The following PAMR1 variants were observed in gnomAD, a reference collection of about 807,000 sequenced individuals.
PAMR1 encodes the protein inactive serine protease PAMR1.
PAMR1 carries 88 observed loss-of-function variants against 81.8 expected under a neutral mutation model. The ratio of observed to expected loss-of-function variants is 1.08; its 90% CI spans 0.91 to 1.28. The LOEUF (loss-of-function observed/expected upper bound fraction) is 1.28. Ranked by LOEUF, PAMR1 falls within the 50% of genes most tolerant of loss-of-function variation. The probability of loss-of-function intolerance (pLI) is 0.00; values close to 1 mark genes in which losing one functional copy is unlikely to be tolerated. For missense variants in PAMR1, 935 were observed against 919.7 expected (o/e 1.02, Z -0.21); for synonymous variants, 336 against 345.3 (o/e 0.97, Z 0.30).
At chr11:35,524,247 C>T (rs1299730087) in intron 1 of PAMR1, among the ~76,000 whole-genome samples, 3 of 152,130 alleles carry the variant, frequency 2.0e-5, no homozygotes, top group Non-Finnish European at 4.4e-5. Flanking sequence ...GCTCCAGACA[C>T]CATGGAGGCA....
At chr11:35,452,005 C>T (rs1856429819) in intron 6 of PAMR1, 3 of 546,390 alleles carry the variant, frequency 5.5e-6, no homozygotes, top group East Asian at 3.2e-5. Flanking sequence ...GCAGCCCAAA[C>T]TGACTAAGAC....
intron 3 of PAMR1, among the ~76,000 whole-genome samples, chr11:35,478,588 T>C (rs184967541): frequency 2.4e-3 from 363 of 152,242 alleles, no homozygotes; most frequent in Non-Finnish European, 4.3e-3. Context: ...ATGCCTTCAA[T>C]TCCCTCTCCA....
chr11:35,458,615 C>G (rs1381654444), intron 6 of PAMR1, among the ~76,000 whole-genome samples: 3 of 152,152 alleles, frequency 2.0e-5, no homozygotes, highest in Non-Finnish European at 4.4e-5. Context: ...AAATTGATGA[C>G]TGTCATCTAA....
At chr11:35,451,920 G>T in intron 6 of PAMR1, 1 of 699,984 alleles carries the variant, frequency 1.4e-6, no homozygotes, top group African/African-American at 1.8e-5. Flanking sequence ...CTTGATCTTG[G>T]ACTTCCCAGC....
chr11:35,436,159 G>C (rs1372695252), intron 8 of PAMR1, 24 bp from the exon 9 acceptor site: 6 of 1,501,026 alleles, frequency 4.0e-6, no homozygotes, highest in Non-Finnish European at 5.6e-6. Context: ...CATGGGCCCA[G>C]AGAAAGAGCA....
chr11:35,433,774 G>A (rs1260384792), intron 10 of PAMR1, among the ~76,000 whole-genome samples: 4 of 134,626 alleles, frequency 3.0e-5, no homozygotes, highest in East Asian at 2.2e-4. Context: ...ATGGATAGAC[G>A]GATGGATGGA....
At chr11:35,503,891 C>G (rs899138785) in intron 1 of PAMR1, among the ~76,000 whole-genome samples, 1 of 152,090 alleles carries the variant, frequency 6.6e-6, no homozygotes, top group South Asian at 2.1e-4. Context: ...CTGGCCAAGA[C>G]TCCCAGTATT....
Position 35,434,782 on chromosome 11 carries a change from G to A in PAMR1, c.1356C>T (p.Ile452=), listed in dbSNP as rs1856000594. The change falls in exon 10 of 11, where the codon ATC becomes ATT. Residue 452 remains isoleucine, a synonymous_variant. Transcript: ENST00000619888. Reference sequence around the variant, plus strand: ...GCAACCCTTGGGTCTTTGGAGCAGTGATGTTCTCAATTTTCCCGCAGACTA... The same window carrying A: ...GCAACCCTTGGGTCTTTGGAGCAGTAATGTTCTCAATTTTCCCGCAGACTA... The part of the protein sequence containing the change: ...CIPICGKIEN[I]TAPKTQGLRW... 4 of 1,613,200 alleles carry A rather than the reference G, an allele frequency of 2.5e-6. No homozygotes were observed. The highest frequency in any genetic ancestry group is 2.7e-5 in the African/African-American group (2 of 74,892).
At chr11:35,442,574 C>T (rs775063633) in intron 6 of PAMR1, among the ~76,000 whole-genome samples, 1 of 151,872 alleles carries the variant, frequency 6.6e-6, no homozygotes, top group Non-Finnish European at 1.5e-5. Flanking sequence ...TATCAGCCTC[C>T]CTACTTTCTT....
chr11:35,475,914 A>G (rs1850276403), intron 3 of PAMR1, among the ~76,000 whole-genome samples: 1 of 152,188 alleles, frequency 6.6e-6, no homozygotes, highest in Non-Finnish European at 1.5e-5. Flanking sequence ...AGAAATCCAG[A>G]TTGCCTTCTT....
intron 5 of PAMR1, among the ~76,000 whole-genome samples, chr11:35,469,262 G>A (rs1856808105): frequency 1.3e-5 from 2 of 152,138 alleles, no homozygotes; most frequent in South Asian, 4.1e-4. Flanking sequence ...AATGGGAAGT[G>A]GTATTATTTG....
Position 35,470,754 on chromosome 11 carries a change from C to T in PAMR1, c.559G>A (p.Gly187Arg). 6.2e-7 allele frequency: 1 copy of T among 1,614,134 alleles called. No homozygotes were observed. The highest frequency in any genetic ancestry group is 1.1e-5 in the South Asian group (1 of 91,068). ...ATGATCTGGCCATCGCGGTTGTCTCCATCACGAACCTCAACATAGTCATAC... is the reference window on the plus strand; with the variant it reads ...ATGATCTGGCCATCGCGGTTGTCTCTATCACGAACCTCAACATAGTCATAC... ...CQYDYVEVRD[G>R]DNRDGQIIKR... Residue 187 changes from glycine to arginine, a missense_variant, in exon 5 of 11, where the codon GGA becomes AGA. Transcript: ENST00000619888.
Position 35,467,845 on chromosome 11 carries a change from C to A in PAMR1, c.820+156G>T, listed in dbSNP as rs146105884. On this transcript the variant is annotated intron_variant, in intron 6 of 10. Transcript: ENST00000619888. ...AGAACCTGACTCAGAAGCAGCTATGCCCCTCTGAGAATCACTCACTGGGAG... is the reference window on the plus strand; with the variant it reads ...AGAACCTGACTCAGAAGCAGCTATGACCCTCTGAGAATCACTCACTGGGAG... Among the ~76,000 whole-genome samples the A allele has an allele frequency of 4.6e-5, 7 of 152,282 alleles. No individual in the cohort carries two copies. In the East Asian group the frequency reaches 1.2e-3, roughly 25 times the overall value.
intron 1 of PAMR1, among the ~76,000 whole-genome samples, chr11:35,510,495 T>TA (rs1322255625): frequency 1.4e-5 from 2 of 140,910 alleles, no homozygotes; most frequent in Non-Finnish European, 3.1e-5. Context: ...GTACACTTTT[T>TA]ATCCCCCCAA....
chr11:35,507,722 C>T (rs147634571), intron 1 of PAMR1, among the ~76,000 whole-genome samples: 5 of 150,914 alleles, frequency 3.3e-5, no homozygotes, highest in South Asian at 2.1e-4. Flanking sequence ...TTATTTTAGT[C>T]GTCTCTGTAT....
rs142812833 is a variant in PAMR1, at chr11:35,436,059, C to T, written c.1177G>A (p.Ala393Thr). ...ATGGGCAGATCTCCAAAGGGAAGGG[C>T]TGGCTTCTTGGTAGGGGCACTCTGC... ...KLQSAPTKKP[A>T]LPFGDLPMGY... The change falls in exon 9 of 11, where the codon GCC (alanine) becomes ACC (threonine). Residue 393 changes from alanine (A) to threonine (T), a missense_variant. Transcript: ENST00000619888. 8.3e-5 allele frequency: 134 copies of T among 1,614,026 alleles called. No individual in the cohort carries two copies. In the African/African-American group the frequency reaches 1.6e-3, roughly 19 times the overall value.
intron 1 of PAMR1, among the ~76,000 whole-genome samples, chr11:35,495,825 T>C (rs1246739129): frequency 1.3e-5 from 2 of 152,230 alleles, no homozygotes; most frequent in Non-Finnish European, 2.9e-5. Flanking sequence ...CCTCAGGTCA[T>C]AAGAACATGC....
chr11:35,486,766 T>G (rs1243019765), intron 3 of PAMR1, among the ~76,000 whole-genome samples: 1 of 152,244 alleles, frequency 6.6e-6, no homozygotes, highest in Non-Finnish European at 1.5e-5. Context: ...ATCCTTGTTT[T>G]GTTACCATTT....
At chr11:35,519,546 G>T (rs1305916257) in intron 1 of PAMR1, among the ~76,000 whole-genome samples, 1 of 152,206 alleles carries the variant, frequency 6.6e-6, no homozygotes, top group Non-Finnish European at 1.5e-5. Context: ...TCTACTGGGA[G>T]CAAGGTACAT....
Sources: gnomAD v4.1 joint callset for allele counts (sites outside exome capture counted in the v4.1 genomes callset) on GRCh38, gnomAD v4.1.1 for gene constraint, MANE v1.5 for transcripts, NCBI Gene and HGNC (gene_info 2026-07-23, HGNC 2026-07-21) for gene names.